The following ICE2 variants were observed in gnomAD, a reference collection of about 807,000 sequenced individuals.
ICE2 encodes interactor of little elongation complex ELL subunit 2.
Under a neutral mutation model 105.4 loss-of-function variants are expected in ICE2, and 87 were observed. The ratio of observed to expected loss-of-function variants is 0.83; its 90% CI spans 0.69 to 0.99. The LOEUF is 0.99. Among genes scored for constraint, ICE2 ranks in the 50% least tolerant of loss-of-function variants. ICE2 has a pLI of 0.00. For synonymous variants in ICE2, 399 were observed against 392.0 expected (o/e 1.02, Z -0.21); for missense variants, 1,323 against 1,146.7 (o/e 1.15, Z -2.22).
chr15:60,469,919 A>G (rs927321154), intron 3 of ICE2, among the ~76,000 whole-genome samples: 6 of 152,344 alleles, frequency 3.9e-5, no homozygotes, highest in Non-Finnish European at 8.8e-5. Flanking sequence ...TGTAATCTAC[A>G]TTTTAAATAA....
At chr15:60,424,089 G>A (rs762061596) in intron 15 of ICE2, among the ~76,000 whole-genome samples, 1 of 152,108 alleles carries the variant, frequency 6.6e-6, no homozygotes, top group African/African-American at 2.4e-5. Context: ...TGTGTGATGT[G>A]TTTGAAATAA....
At chr15:60,441,869 A>C (rs1036105487) in intron 12 of ICE2, 3 of 152,262 alleles carry the variant, frequency 2.0e-5, no homozygotes, top group African/African-American at 7.2e-5. Context: ...AAAATATTTG[A>C]GGTTTTAAAA....
At chr15:60,447,828 TAAAAACA>T (rs1392094272) in intron 11 of ICE2, 135 bp downstream of exon 11, 24 of 653,344 alleles carry the variant, frequency 3.7e-5, no homozygotes, top group East Asian at 1.1e-4. Context: ...AGCATTTTAG[TAAAAACA>T]AAAAACAAAA....
chr15:60,464,012 T>C (rs1204215472), intron 5 of ICE2, among the ~76,000 whole-genome samples: 1 of 152,244 alleles, frequency 6.6e-6, no homozygotes, highest in Admixed American at 6.5e-5. Context: ...TATATAATTA[T>C]CTGTTAAGCT....
chr15:60,449,320 G>A lies in ICE2; in HGVS notation c.1647C>T (p.Asp549=). ...GERPNVLENL[D]NSKEKTVGSE... The stretch of plus-strand genomic sequence containing the variant: ...ATCCAACAGTCTTTTCCTTTGAGTT[G>A]TCTAGGTTTTCTAGAACATTAGGTC... Residue 549 remains aspartate (D), a synonymous_variant, in exon 10 of 16, where the codon GAC becomes GAT. Coordinates refer to ENST00000261520, the MANE Select transcript of ICE2 (RefSeq NM_024611.6). 3 of 1,613,048 alleles carry A rather than the reference G, an allele frequency of 1.9e-6. No individual in the cohort carries two copies. The highest frequency in any genetic ancestry group is 2.7e-5 in the African/African-American group (2 of 74,988).
At chr15:60,440,580 A>G (rs2141030082) in intron 12 of ICE2, 1 of 152,318 alleles carries the variant, frequency 6.6e-6, no homozygotes. Context: ...TGTGGTCCCT[A>G]AACTAGCAGC....
chr15:60,429,274 T>C (rs561502998), intron 14 of ICE2, among the ~76,000 whole-genome samples: 1 of 152,346 alleles, frequency 6.6e-6, no homozygotes, highest in African/African-American at 2.4e-5. Flanking sequence ...AAATTTATTT[T>C]CTATTAGATC....
At chr15:60,452,226 A>G (rs2063983471) in intron 9 of ICE2, 1 of 936,590 alleles carries the variant, frequency 1.1e-6, no homozygotes, top group Non-Finnish European at 1.3e-6. Context: ...TAAAAGGCAA[A>G]TGGCAAAGAG....
chr15:60,460,698 G>A (rs12913304), intron 5 of ICE2, among the ~76,000 whole-genome samples: 9,628 of 152,028 alleles, frequency 0.063, 401 homozygotes, highest in Middle Eastern at 0.12. Flanking sequence ...CCCACTAGAC[G>A]CCATCAGCAC....
At position 60,449,480 on chromosome 15, in the gene ICE2, G is replaced by GATACCTTTTC; in HGVS notation, c.1477_1486dup (p.Ser496Ter). 54 of 1,614,142 alleles carry GATACCTTTTC rather than the reference G, an allele frequency of 3.3e-5. No individual in the cohort carries two copies. Among genetic ancestry groups the GATACCTTTTC allele is most frequent in the Non-Finnish European group, 4.6e-5 (54 of 1,180,018 alleles). On this transcript the variant is annotated stop_gained and frameshift_variant, in exon 10 of 16. Coordinates refer to ENST00000261520, the MANE Select transcript of ICE2 (RefSeq NM_024611.6). LOFTEE classifies it high-confidence loss of function. ...TTGTATCAAAGGCTTGTCAGAATTT[G>GATACCTTTTC]ATACCTTTTCACATGATTCAAATCC...
At position 60,449,825 on chromosome 15, in the gene ICE2, T is replaced by C. The variant is rs759423491; in HGVS notation, c.1142A>G (p.Asn381Ser). 9.3e-6 allele frequency: 15 copies of C among 1,612,702 alleles called. No homozygotes were observed. In the East Asian group the frequency reaches 1.8e-4, roughly 19 times the overall value. The change falls in exon 10 of 16, where the codon AAC (asparagine) becomes AGC (serine). Residue 381 changes from asparagine (N) to serine (S), a missense_variant. Coordinates refer to ENST00000261520, the MANE Select transcript of ICE2 (RefSeq NM_024611.6). ...ISEMDMSCEVNECRKIESLEN... is the reference protein window; with the variant it reads ...ISEMDMSCEVSECRKIESLEN... ...AAGACTCTCAATTTTTCGGCACTCGTTGACTTCACAGGACATCTTATGTAA... is the reference window on the plus strand; with the variant it reads ...AAGACTCTCAATTTTTCGGCACTCGCTGACTTCACAGGACATCTTATGTAA...
At chr15:60,424,574 C>T (rs758968554) in intron 15 of ICE2, among the ~76,000 whole-genome samples, 2 of 152,122 alleles carry the variant, frequency 1.3e-5, no homozygotes, top group Non-Finnish European at 2.9e-5. Context: ...TTGGCGCGAT[C>T]TCTGCTCACT....
chr15:60,450,626 G>A (rs1463427667), intron 9 of ICE2, among the ~76,000 whole-genome samples: 2 of 152,158 alleles, frequency 1.3e-5, no homozygotes, highest in East Asian at 1.9e-4. Context: ...TACAGTTGAG[G>A]ATTTAAGAGA....
chr15:60,447,096 C>T (rs1217054073), intron 11 of ICE2, among the ~76,000 whole-genome samples: 1 of 152,036 alleles, frequency 6.6e-6, no homozygotes, highest in Non-Finnish European at 1.5e-5. Context: ...TGCAGCAATA[C>T]ATTTTTTTTC....
intron 3 of ICE2, among the ~76,000 whole-genome samples, chr15:60,469,440 G>A (rs907097897): frequency 2.6e-5 from 4 of 151,908 alleles, no homozygotes; most frequent in Admixed American, 1.3e-4. Flanking sequence ...CATGCACCCT[G>A]GAACTTAAAA....
Position 60,449,484 on chromosome 15 carries a change from C to A in ICE2, c.1483G>T (p.Val495Leu), listed in dbSNP as rs148954000. ...ATCAAAGGCTTGTCAGAATTTGATA[C>A]CTTTTCACATGATTCAAATCCCTGA... is the stretch of plus-strand genomic sequence containing the variant. Reference protein sequence around the residue: ...DDQGFESCEKVSNSDKPLIQD... With the variant: ...DDQGFESCEKLSNSDKPLIQD... The change falls in exon 10 of 16, where the codon GTA (valine) becomes TTA (leucine). Residue 495 changes from valine (V) to leucine (L), a missense_variant. Coordinates refer to ENST00000261520, the MANE Select transcript of ICE2 (RefSeq NM_024611.6). 8 of 1,614,028 alleles carry A rather than the reference C, an allele frequency of 5.0e-6. No individual in the cohort carries two copies. The highest frequency in any genetic ancestry group is 4.5e-5 in the East Asian group (2 of 44,902).
At chr15:60,472,721 C>T (rs529062370) in intron 3 of ICE2, among the ~76,000 whole-genome samples, 1 of 152,194 alleles carries the variant, frequency 6.6e-6, no homozygotes, top group Middle Eastern at 3.4e-3. Context: ...GGCACACTGG[C>T]GTGCACCTAT....
rs542458139 is a variant in ICE2, at chr15:60,448,976, G to T, written c.1991C>A (p.Pro664Gln). 2 of 1,613,954 alleles carry T rather than the reference G, an allele frequency of 1.2e-6. No individual in the cohort carries two copies. The highest frequency in any genetic ancestry group is 1.7e-6 in the Non-Finnish European group (2 of 1,179,934). ...TTCTAAATTCATTAAGGGCAATTCTGGTACTTTTCTGGAAATTGGCTTTAA... is the reference window on the plus strand; with the variant it reads ...TTCTAAATTCATTAAGGGCAATTCTTGTACTTTTCTGGAAATTGGCTTTAA... Reference protein sequence around the residue: ...ELLKPISRKVPELPLMNLENS... With the variant: ...ELLKPISRKVQELPLMNLENS... The change falls in exon 10 of 16, where the codon CCA becomes CAA. Residue 664 changes from proline to glutamine, a missense_variant. Coordinates refer to ENST00000261520, the MANE Select transcript of ICE2 (RefSeq NM_024611.6).
intron 1 of ICE2, 109 bp downstream of exon 1, chr15:60,478,894 C>A: frequency 2.2e-6 from 1 of 453,346 alleles, no homozygotes; most frequent in Non-Finnish European, 4.4e-6. Context: ...AGCAAAGGGT[C>A]CTGGCCCGGC....
Sources: allele counts gnomAD v4.1 joint callset (sites outside exome capture counted in the v4.1 genomes callset), GRCh38; gene constraint gnomAD v4.1.1; transcripts MANE v1.5; gene names NCBI Gene and HGNC (gene_info 2026-07-23, HGNC 2026-07-21).